GABRG3: variants seen among roughly 807,000 people sequenced by gnomAD.
GABRG3 encodes gamma-aminobutyric acid receptor subunit gamma-3.
In GABRG3, 25 loss-of-function variants were observed where a neutral mutation model predicts 48.8. The ratio of observed to expected loss-of-function variants is 0.51; its 90% CI spans 0.37 to 0.72. The LOEUF (loss-of-function observed/expected upper bound fraction) is 0.72, where lower values mean the gene tolerates loss of function less well. Among genes scored for constraint, GABRG3 ranks in the 30% least tolerant of loss-of-function variants. The probability of loss-of-function intolerance (pLI) is 0.00; values close to 1 mark genes in which losing one functional copy is unlikely to be tolerated. For missense variants in GABRG3, 394 were observed against 577.9 expected (o/e 0.68, Z 3.26); for synonymous variants, 227 against 217.6 (o/e 1.04, Z -0.38).
intron 3 of GABRG3, among the ~76,000 whole-genome samples, chr15:27,218,920 C>A (rs1889356796): frequency 6.6e-6 from 1 of 152,152 alleles, no homozygotes; most frequent in African/African-American, 2.4e-5. Flanking sequence ...TATTGTGAAT[C>A]ACAGAGTAAT....
chr15:27,054,238 CAAAAAGAAAAAA>C (rs1566921731), intron 3 of GABRG3, among the ~76,000 whole-genome samples: 2 of 146,976 alleles, frequency 1.4e-5, no homozygotes, highest in African/African-American at 2.5e-5. Context: ...AACTCTATCT[CAAAAAGAAAAAA>C]AAAAAGAAAA....
intron 5 of GABRG3, among the ~76,000 whole-genome samples, chr15:27,342,118 T>C (rs767587708): frequency 1.1e-4 from 16 of 152,192 alleles, no homozygotes; most frequent in Admixed American, 2.0e-4. Context: ...CCCAAGGCCA[T>C]GTCCTGCTTT....
chr15:27,475,213 G>A (rs1030811393), intron 5 of GABRG3, among the ~76,000 whole-genome samples: 6 of 152,126 alleles, frequency 3.9e-5, no homozygotes, highest in Admixed American at 6.5e-5. Flanking sequence ...GTTGTGCAGC[G>A]GGTGAAGGGA....
chr15:27,021,971 C>T (rs921723924), intron 2 of GABRG3, among the ~76,000 whole-genome samples: 1 of 152,196 alleles, frequency 6.6e-6, no homozygotes, highest in Non-Finnish European at 1.5e-5. Flanking sequence ...CCTTGTGGCC[C>T]TGGATGCCTG....
At chr15:27,409,752 T>C (rs948758416) in intron 5 of GABRG3, among the ~76,000 whole-genome samples, 3 of 152,150 alleles carry the variant, frequency 2.0e-5, no homozygotes, top group African/African-American at 7.2e-5. Context: ...TAGAAAAATA[T>C]GTAGAAAAAA....
At chr15:27,101,932 C>A (rs1262110566) in intron 3 of GABRG3, among the ~76,000 whole-genome samples, 1 of 151,702 alleles carries the variant, frequency 6.6e-6, no homozygotes, top group African/African-American at 2.4e-5. Context: ...CATTCAAAGC[C>A]ATCCTGGGCT....
At chr15:27,251,854 C>T (rs1176391044) in intron 3 of GABRG3, among the ~76,000 whole-genome samples, 1 of 152,164 alleles carries the variant, frequency 6.6e-6, no homozygotes, top group Non-Finnish European at 1.5e-5. Context: ...CTGGGTCCTA[C>T]CCCCTGTCTC....
At chr15:27,427,396 C>T (rs1330777107) in intron 5 of GABRG3, among the ~76,000 whole-genome samples, 1 of 152,158 alleles carries the variant, frequency 6.6e-6, no homozygotes, top group Non-Finnish European at 1.5e-5. Context: ...AGTCTGTGTT[C>T]AGGTTCCGCC....
chr15:27,064,413 C>T (rs189787957), intron 3 of GABRG3, among the ~76,000 whole-genome samples: 2 of 152,296 alleles, frequency 1.3e-5, no homozygotes, highest in Admixed American at 6.5e-5. Context: ...TGACCCTTCT[C>T]TTCGTCCATG....
At chr15:27,422,956 C>G (rs1207313794) in intron 5 of GABRG3, among the ~76,000 whole-genome samples, 1 of 152,084 alleles carries the variant, frequency 6.6e-6, no homozygotes, top group African/African-American at 2.4e-5. Context: ...GCTTCTGAGA[C>G]CACCCCTATC....
chr15:27,261,466 A>G (rs548199957), intron 3 of GABRG3, among the ~76,000 whole-genome samples: 2 of 151,746 alleles, frequency 1.3e-5, no homozygotes, highest in African/African-American at 2.4e-5. Context: ...GGTTGGTGAG[A>G]TGGGCAGGGG....
chr15:27,500,070 C>A (rs1595794751), intron 6 of GABRG3, among the ~76,000 whole-genome samples: 1 of 152,164 alleles, frequency 6.6e-6, no homozygotes, highest in East Asian at 1.9e-4. Flanking sequence ...GAAGCAAGCT[C>A]ATTTCTCTCT....
Position 27,348,155 on chromosome 15 carries a change from C to CAAAAAAAAAA in GABRG3, c.574+19270_574+19271insAAAAAAAAAA, listed in dbSNP as rs535295684. Among the ~76,000 whole-genome samples the CAAAAAAAAAA allele has an allele frequency of 6.8e-5, 7 of 102,970 alleles. 3 individuals carry two copies. The highest frequency in any genetic ancestry group is 2.5e-4 in the East Asian group (1 of 3,928). 67.6% of individuals were successfully genotyped at this position (102,970 alleles called of 152,430 possible). On this transcript the variant is annotated intron_variant, in intron 5 of 9. Coordinates refer to ENST00000615808, the MANE Select transcript of GABRG3 (RefSeq NM_033223.5). ...TGGGTGACAGAGCGAGACTCCATCT[C>CAAAAAAAAAA]AAATAAATAAAGAGTTGGAGATTTT... is the stretch of plus-strand genomic sequence containing the variant.
At chr15:27,437,354 T>C (rs1888650923) in intron 5 of GABRG3, among the ~76,000 whole-genome samples, 1 of 152,238 alleles carries the variant, frequency 6.6e-6, no homozygotes, top group Admixed American at 6.5e-5. Flanking sequence ...TATTTTATGT[T>C]GGTATTTTTG....
intron 3 of GABRG3, among the ~76,000 whole-genome samples, chr15:27,231,528 A>G (rs1889800984): frequency 6.6e-6 from 1 of 152,140 alleles, no homozygotes; most frequent in African/African-American, 2.4e-5. Flanking sequence ...TCACCTGTCA[A>G]TTTCTGAATG....
At chr15:27,275,153 G>C (rs1318228666) in intron 3 of GABRG3, among the ~76,000 whole-genome samples, 1 of 152,214 alleles carries the variant, frequency 6.6e-6, no homozygotes, top group Non-Finnish European at 1.5e-5. Context: ...TACCCATGAT[G>C]AGGGGCATTA....
intron 5 of GABRG3, among the ~76,000 whole-genome samples, chr15:27,403,929 C>CAA (rs758952317): frequency 4.6e-4 from 38 of 83,338 alleles, no homozygotes; most frequent in African/African-American, 6.6e-4. Flanking sequence ...AAAAAAAAAA[C>CAA]AAAAAAAAAA....
chr15:26,980,639 A>G (rs1254085974), intron 2 of GABRG3, among the ~76,000 whole-genome samples: 4 of 150,028 alleles, frequency 2.7e-5, no homozygotes, highest in Admixed American at 6.7e-5. Flanking sequence ...AGATGGCGCC[A>G]CTGCACTCCA....
chr15:27,214,363 T>C (rs963811489), intron 3 of GABRG3, among the ~76,000 whole-genome samples: 1 of 152,224 alleles, frequency 6.6e-6, no homozygotes, highest in Admixed American at 6.5e-5. Context: ...GCGTCGGGTA[T>C]GCTGGGGACA....
Sources: allele counts gnomAD v4.1 joint callset (sites outside exome capture counted in the v4.1 genomes callset), GRCh38; gene constraint gnomAD v4.1.1; transcripts MANE v1.5; gene names NCBI Gene and HGNC (gene_info 2026-07-23, HGNC 2026-07-21).